EPB41: variants seen among roughly 807,000 people sequenced by gnomAD.
EPB41 encodes erythrocyte membrane protein band 4.1.
A neutral mutation model predicts 108.0 loss-of-function variants in EPB41; 65 were observed. The observed-to-expected ratio is 0.60, with a 90% CI of 0.49 to 0.74. The LOEUF (loss-of-function observed/expected upper bound fraction) is 0.74, where lower values mean the gene tolerates loss of function less well. EPB41 is among the 30% of genes least tolerant of loss of function. The pLI, the probability that EPB41 is intolerant of heterozygous loss-of-function variation, is 0.00. For synonymous variants in EPB41, 336 were observed against 358.9 expected (o/e 0.94, Z 0.72); for missense variants, 875 against 1,037.0 (o/e 0.84, Z 2.15).
At position 28,887,657 on chromosome 1, in the gene EPB41, G is replaced by A; in HGVS notation, c.-8+447G>A. Reference sequence around the variant, plus strand: ...GGGCTGGCGGCTAGCAGCGGGAGGGGGCTCCGGGGCCTGGAGCCCCGCGCC... The same window carrying A: ...GGGCTGGCGGCTAGCAGCGGGAGGGAGCTCCGGGGCCTGGAGCCCCGCGCC... On this transcript the variant is annotated intron_variant, in intron 1 of 16. Transcript: ENST00000347529. The surrounding 1 kb of genome is among the most constrained non-coding windows in gnomAD (Gnocchi z 4.9). 1.0e-6 allele frequency: 1 copy of A among 985,270 alleles called. No homozygotes were observed. Among genetic ancestry groups the A allele is most frequent in the South Asian group, 4.7e-5 (1 of 21,292 alleles). 61.0% of individuals were successfully genotyped at this position (985,270 alleles called of 1,614,324 possible). A position where few individuals can be genotyped will look rare whatever the true frequency, so the allele number is the denominator to read the frequency against.
intron 1 of EPB41, among the ~76,000 whole-genome samples, chr1:28,948,469 A>G (rs1282266910): frequency 2.0e-5 from 3 of 147,114 alleles, no homozygotes; most frequent in African/African-American, 7.6e-5. Context: ...AGATCGCGCC[A>G]GTGCACTCCA....
intron 4 of EPB41, among the ~76,000 whole-genome samples, chr1:28,999,504 G>A (rs1247312792): frequency 6.6e-6 from 1 of 152,168 alleles, no homozygotes; most frequent in Non-Finnish European, 1.5e-5. Flanking sequence ...AACCCAGATT[G>A]ATTTGAGAAT....
chr1:28,957,134 A>T (rs2094984690), intron 1 of EPB41, among the ~76,000 whole-genome samples: 1 of 152,274 alleles, frequency 6.6e-6, no homozygotes, highest in Non-Finnish European at 1.5e-5. Flanking sequence ...TAGGCCATGT[A>T]TCTTGTAGGT....
intron 5 of EPB41, among the ~76,000 whole-genome samples, chr1:29,013,447 AT>A (rs2096534717): frequency 6.6e-6 from 1 of 152,142 alleles, no homozygotes; most frequent in Admixed American, 6.5e-5. Context: ...AACTGTAAAC[AT>A]TTTTTTAAGC....
At chr1:29,049,659 TG>T (rs1644146701) in intron 11 of EPB41, among the ~76,000 whole-genome samples, 1 of 152,216 alleles carries the variant, frequency 6.6e-6, no homozygotes, top group Non-Finnish European at 1.5e-5. Context: ...AAGTAGAAGT[TG>T]TTTGCCTTTA....
chr1:29,073,724 A>G (rs1443264285), intron 16 of EPB41, among the ~76,000 whole-genome samples: 1 of 152,152 alleles, frequency 6.6e-6, no homozygotes, highest in African/African-American at 2.4e-5. Flanking sequence ...TCATGCTAAC[A>G]CTTGCAATAT....
At chr1:29,051,185 G>C (rs374012547) in intron 11 of EPB41, among the ~76,000 whole-genome samples, 2 of 124,908 alleles carry the variant, frequency 1.6e-5, no homozygotes, top group African/African-American at 6.2e-5. Context: ...TGCAACCTCT[G>C]CCTCTCGGGT....
rs2094279854 is a variant in EPB41 at position 28,941,386 on chromosome 1, TA to T, written c.-8+26624del. ...CAGAGTGAGACCTTGTCTCAAAAAA[TA>T]AAAAACCAATAATGGGGAAAAATGA... On this transcript the variant is annotated intron_variant, in intron 1 of 20. Transcript: ENST00000343067. Among the ~76,000 whole-genome samples the T allele has an allele frequency of 2.6e-5, 4 of 151,614 alleles. No homozygotes were observed. In the South Asian group the frequency reaches 8.3e-4, roughly 32 times the overall value.
intron 11 of EPB41, among the ~76,000 whole-genome samples, chr1:29,040,986 A>G (rs1296713199): frequency 6.6e-6 from 1 of 151,856 alleles, no homozygotes; most frequent in Non-Finnish European, 1.5e-5. Flanking sequence ...AAATACAAAA[A>G]TCAGCTGGGC....
Position 28,945,093 on chromosome 1 carries a change from GAAAA to G in EPB41, c.-8+30337_-8+30340del, listed in dbSNP as rs1224949262. On this transcript the variant is annotated intron_variant, in intron 1 of 20. Coordinates refer to ENST00000343067, the MANE Select transcript of EPB41 (RefSeq NM_001376013.1). ...AGAGTGAGATCGTGTCTCAAAAAAAGAAAAAAAAAAAAAAAGAACCAGAATATAA... is the reference window on the plus strand; with the variant it reads ...AGAGTGAGATCGTGTCTCAAAAAAAGAAAAAAAAAAAGAACCAGAATATAA... 5.2e-5 allele frequency among the ~76,000 whole-genome samples: 5 copies of G among 96,322 alleles called. No homozygotes were observed. The East Asian group carries it at 1.2e-3, about 23-fold the overall frequency. The allele number at this position is 96,322 out of a possible 152,430, so 63.2% of individuals were successfully genotyped here. A position where few individuals can be genotyped will look rare whatever the true frequency, so the allele number is the denominator to read the frequency against.
chr1:29,030,184 G>A (rs1229272497), intron 7 of EPB41, among the ~76,000 whole-genome samples: 1 of 152,032 alleles, frequency 6.6e-6, no homozygotes, highest in Non-Finnish European at 1.5e-5. Context: ...CTTTTTGTTT[G>A]CTCACATTGT....
chr1:28,942,584 C>T (rs1387967701), intron 1 of EPB41, among the ~76,000 whole-genome samples: 1 of 152,262 alleles, frequency 6.6e-6, no homozygotes, highest in Non-Finnish European at 1.5e-5. Context: ...GCACACCAAC[C>T]TCCACGATCT....
At chr1:29,082,314 G>T (rs961730594) in intron 16 of EPB41, among the ~76,000 whole-genome samples, 1 of 152,078 alleles carries the variant, frequency 6.6e-6, no homozygotes, top group Non-Finnish European at 1.5e-5. Flanking sequence ...AGTAGAGATG[G>T]GGTTTCACCA....
At chr1:28,949,617 T>A (rs1025539279) in intron 1 of EPB41, among the ~76,000 whole-genome samples, 1 of 151,986 alleles carries the variant, frequency 6.6e-6, no homozygotes, top group South Asian at 2.1e-4. Context: ...TTTTTATTTT[T>A]TTTTTAGATG....
At chr1:29,101,117 G>A (rs753470797) in intron 17 of EPB41, among the ~76,000 whole-genome samples, 32 of 152,128 alleles carry the variant, frequency 2.1e-4, no homozygotes, top group Middle Eastern at 3.4e-3. Flanking sequence ...CCAGCTAGTC[G>A]AGTGGCTGAG....
intron 16 of EPB41, among the ~76,000 whole-genome samples, chr1:29,083,851 T>C (rs1159929564): frequency 1.3e-5 from 2 of 152,216 alleles, no homozygotes; most frequent in Non-Finnish European, 2.9e-5. Context: ...GAGAAGAATA[T>C]AGAAGCAAAG....
At chr1:29,084,932 A>T (rs1480297747) in intron 16 of EPB41, among the ~76,000 whole-genome samples, 1 of 152,162 alleles carries the variant, frequency 6.6e-6, no homozygotes, top group Non-Finnish European at 1.5e-5. Flanking sequence ...AGTTAAATCC[A>T]TAGGCTTGGC....
intron 12 of EPB41, among the ~76,000 whole-genome samples, chr1:29,055,037 C>A (rs997244802): frequency 1.3e-5 from 2 of 151,988 alleles, no homozygotes; most frequent in African/African-American, 4.8e-5. Context: ...GACTCCGTCT[C>A]AAAAAATAAT....
intron 11 of EPB41, among the ~76,000 whole-genome samples, chr1:29,042,121 C>T (rs1278860336): frequency 6.6e-6 from 1 of 152,120 alleles, no homozygotes; most frequent in Non-Finnish European, 1.5e-5. Flanking sequence ...TTGGAAGTTC[C>T]CTACTAATTG....
Sources: allele counts gnomAD v4.1 joint callset (sites outside exome capture counted in the v4.1 genomes callset), GRCh38; gene constraint gnomAD v4.1.1; non-coding constraint Gnocchi (gnomAD v3.1); transcripts MANE v1.5; gene names NCBI Gene and HGNC (gene_info 2026-07-23, HGNC 2026-07-21).